The following ADGRL3 variants were observed in gnomAD, a reference collection of about 807,000 sequenced individuals.
The protein encoded by ADGRL3 is calcium-independent alpha-latrotoxin receptor 3.
A neutral mutation model predicts 153.5 loss-of-function variants in ADGRL3; 62 were observed. That is an observed-to-expected ratio of 0.40 (90% CI 0.33 to 0.50). The LOEUF (loss-of-function observed/expected upper bound fraction) is 0.50, where lower values mean the gene tolerates loss of function less well. Among genes scored for constraint, ADGRL3 ranks in the 20% least tolerant of loss-of-function variants. The pLI, the probability that ADGRL3 is intolerant of heterozygous loss-of-function variation, is 0.47. For synonymous variants in ADGRL3, 710 were observed against 672.5 expected (o/e 1.06, Z -0.86); for missense variants, 1,641 against 1,859.4 (o/e 0.88, Z 2.16).
At chr4:62,009,120 T>G (rs1402733026) in intron 21 of ADGRL3, among the ~76,000 whole-genome samples, 1 of 152,154 alleles carries the variant, frequency 6.6e-6, no homozygotes, top group African/African-American at 2.4e-5. Context: ...TCAGAATATA[T>G]TCCCATCATT....
chr4:61,289,960 G>T (rs2094109431), intron 1 of ADGRL3, among the ~76,000 whole-genome samples: 1 of 152,056 alleles, frequency 6.6e-6, no homozygotes, highest in South Asian at 2.1e-4. Context: ...GCACTTAGTA[G>T]CTCTTAGCAC....
chr4:61,292,359 T>A (rs1202283708), intron 1 of ADGRL3, among the ~76,000 whole-genome samples: 6 of 152,098 alleles, frequency 3.9e-5, no homozygotes, highest in Admixed American at 3.9e-4. Flanking sequence ...AACAAAACAA[T>A]CTCTGGGAGT....
intron 25 of ADGRL3, among the ~76,000 whole-genome samples, chr4:62,063,183 G>T (rs1741119909): frequency 6.6e-6 from 1 of 152,010 alleles, no homozygotes. Context: ...TGAATGATTA[G>T]ATTTTGCTTT....
chr4:61,389,787 G>A (rs921909398), intron 2 of ADGRL3, among the ~76,000 whole-genome samples: 4 of 152,132 alleles, frequency 2.6e-5, no homozygotes, highest in African/African-American at 9.7e-5. Flanking sequence ...TCTGTCAGCT[G>A]TATATAGTTA....
intron 2 of ADGRL3, among the ~76,000 whole-genome samples, chr4:61,393,457 G>A (rs2061267): frequency 0.57 from 86,057 of 151,776 alleles, 25,731 homozygotes; most frequent in Admixed American, 0.71. Flanking sequence ...GCAAATACAA[G>A]AGTAAATGTA....
intron 9 of ADGRL3, among the ~76,000 whole-genome samples, chr4:61,854,474 T>G (rs901067224): frequency 2.0e-5 from 3 of 152,118 alleles, no homozygotes; most frequent in Admixed American, 6.5e-5. Flanking sequence ...GCTGAAAAAT[T>G]TATGCAAAAA....
chr4:61,313,314 A>G (rs1004043073), intron 1 of ADGRL3, among the ~76,000 whole-genome samples: 2 of 152,204 alleles, frequency 1.3e-5, no homozygotes, highest in Non-Finnish European at 2.9e-5. Context: ...GCAATGGCTG[A>G]TACATGCCAC....
chr4:62,003,485 C>T (rs1035752989), intron 21 of ADGRL3, among the ~76,000 whole-genome samples: 1 of 152,138 alleles, frequency 6.6e-6, no homozygotes, highest in African/African-American at 2.4e-5. Context: ...TGGCAAGTAA[C>T]ATCAGAGGTC....
chr4:61,515,775 T>A (rs2098490111), intron 3 of ADGRL3, among the ~76,000 whole-genome samples: 1 of 152,180 alleles, frequency 6.6e-6, no homozygotes, highest in Non-Finnish European at 1.5e-5. Flanking sequence ...TGCCTGTATA[T>A]ATTCATGTAA....
intron 4 of ADGRL3, among the ~76,000 whole-genome samples, chr4:61,527,355 C>G (rs1334912144): frequency 2.0e-5 from 3 of 151,988 alleles, no homozygotes; most frequent in African/African-American, 7.2e-5. Context: ...TGATTTATTT[C>G]TTACCTTTAT....
At chr4:61,433,108 T>C (rs2097396036) in intron 2 of ADGRL3, among the ~76,000 whole-genome samples, 1 of 152,216 alleles carries the variant, frequency 6.6e-6, no homozygotes, top group Non-Finnish European at 1.5e-5. Context: ...TTTATATGTA[T>C]ATTTGTGCTA....
intron 1 of ADGRL3, among the ~76,000 whole-genome samples, chr4:61,313,467 A>T (rs1046096392): frequency 3.3e-5 from 5 of 152,134 alleles, no homozygotes; most frequent in African/African-American, 1.2e-4. Context: ...TAATAGAGGG[A>T]ACTTTGTGTG....
At position 61,847,726 on chromosome 4, in the gene ADGRL3, T is replaced by TTATATATATAATACAAAA. The variant is rs1561351043; in HGVS notation, c.1480+33843_1480+33860dup. ...TATTATATATATAATATAAAATATA[T>TTATATATATAATACAAAA]TATATATATAATACAAAATATATTA... On this transcript the variant is annotated intron_variant, in intron 9 of 26. Coordinates refer to ENST00000683033, the MANE Select transcript of ADGRL3 (RefSeq NM_001387552.1). Among the ~76,000 whole-genome samples the TTATATATATAATACAAAA allele has an allele frequency of 6.1e-3, 164 of 26,688 alleles. 30 individuals carry two copies. Among genetic ancestry groups the TTATATATATAATACAAAA allele is most frequent in the Non-Finnish European group, 0.011 (143 of 12,454 alleles). The allele number at this position is 26,688 out of a possible 152,430, so 17.5% of individuals were successfully genotyped here.
chr4:61,407,001 C>T (rs184543644), intron 2 of ADGRL3, among the ~76,000 whole-genome samples: 133 of 151,966 alleles, frequency 8.8e-4, no homozygotes, highest in African/African-American at 2.9e-3. Flanking sequence ...ATTATGGATA[C>T]GATTAACTTA....
rs571814982 is a variant in ADGRL3, at chr4:61,487,734, A to G, written c.-173-9387A>G. On this transcript the variant is annotated intron_variant, in intron 2 of 26. Transcript: ENST00000683033. Reference sequence around the variant, plus strand: ...CTATGTTCATTTAGACTTGTTTTTCATAACTAGTTATCATGAATATTTGAG... The same window carrying G: ...CTATGTTCATTTAGACTTGTTTTTCGTAACTAGTTATCATGAATATTTGAG... Among the ~76,000 whole-genome samples, 8 of 152,160 alleles carry G rather than the reference A, an allele frequency of 5.3e-5. No individual in the cohort carries two copies. In the East Asian group the frequency reaches 1.5e-3, roughly 29 times the overall value.
At chr4:61,758,747 A>G (rs369515944) in intron 8 of ADGRL3, among the ~76,000 whole-genome samples, 2 of 152,062 alleles carry the variant, frequency 1.3e-5, no homozygotes, top group South Asian at 2.1e-4. Context: ...GATTTTGCTC[A>G]TTAGTTGATG....
intron 1 of ADGRL3, among the ~76,000 whole-genome samples, chr4:61,279,198 G>T (rs1194643907): frequency 1.3e-5 from 2 of 152,148 alleles, no homozygotes; most frequent in Non-Finnish European, 2.9e-5. Flanking sequence ...TTTGGACTGA[G>T]TTTTGAAGCC....
intron 4 of ADGRL3, among the ~76,000 whole-genome samples, chr4:61,524,347 G>GACTTACAT (rs1560781114): frequency 4.6e-5 from 7 of 152,150 alleles, no homozygotes; most frequent in African/African-American, 1.7e-4. Flanking sequence ...TAAGTCTCCA[G>GACTTACAT]TACAGAAATG....
At chr4:62,060,348 G>A (rs545708749) in intron 25 of ADGRL3, among the ~76,000 whole-genome samples, 38 of 152,026 alleles carry the variant, frequency 2.5e-4, no homozygotes, top group African/African-American at 3.9e-4. Context: ...ATTAGATAAT[G>A]TATAGCAATG....
Sources: allele counts gnomAD v4.1 joint callset (sites outside exome capture counted in the v4.1 genomes callset), GRCh38; gene constraint gnomAD v4.1.1; transcripts MANE v1.5; gene names NCBI Gene and HGNC (gene_info 2026-07-23, HGNC 2026-07-21).